Variants in ENDOV observed in about 807,000 individuals in gnomAD.
ENDOV encodes the protein endonuclease V, also known as hEndoV.
ENDOV carries 37 observed loss-of-function variants against 39.4 expected under a neutral mutation model. That is an observed-to-expected ratio of 0.94 (90% CI 0.72 to 1.23). The LOEUF (loss-of-function observed/expected upper bound fraction) is 1.23, where lower values mean the gene tolerates loss of function less well. Among genes scored for constraint, ENDOV ranks in the 50% most tolerant of loss-of-function variants. The pLI, the probability that ENDOV is intolerant of heterozygous loss-of-function variation, is 0.00. For synonymous variants in ENDOV, 186 were observed against 163.4 expected (o/e 1.14, Z -1.05); for missense variants, 441 against 375.7 (o/e 1.17, Z -1.44).
intron 9 of ENDOV, among the ~76,000 whole-genome samples, chr17:80,431,570 G>A (rs899617169): frequency 5.3e-5 from 8 of 152,340 alleles, no homozygotes; most frequent in African/African-American, 9.6e-5. Context: ...AACGCTGGCC[G>A]GAACCAGATG....
At chr17:80,432,703 G>C (rs1224057988) in intron 9 of ENDOV, among the ~76,000 whole-genome samples, 1 of 152,058 alleles carries the variant, frequency 6.6e-6, no homozygotes, top group African/African-American at 2.4e-5. Context: ...GGCAGGGAGT[G>C]GACAGAGCCA....
intron 3 of ENDOV, 38 bp from the exon 4 acceptor site, chr17:80,422,168 C>G (rs1265214633): frequency 1.9e-6 from 3 of 1,612,944 alleles, no homozygotes; most frequent in Non-Finnish European, 2.5e-6. Flanking sequence ...GGCCGAGGGG[C>G]AGCTCAGCTG....
chr17:80,421,849 A>G lies in ENDOV; in HGVS notation c.250A>G (p.Met84Val), dbSNP rs767930622. 3.7e-6 allele frequency: 6 copies of G among 1,601,472 alleles called. No individual in the cohort carries two copies. Among genetic ancestry groups the G allele is most frequent in the Admixed American group, 1.7e-5 (1 of 58,330 alleles). Residue 84 changes from methionine to valine, a missense_variant, in exon 3 of 10, where the codon ATG (methionine) becomes GTG (valine). Physicochemically the swap from Met to Val is conservative, Grantham distance 21 (BLOSUM62 1). Transcript: ENST00000518137. ...ELEVVYEESR[M>V]VSLTAPYVSG... ...TCAGGTGGTGTATGAGGAGAGCCGC[A>G]TGGTCAGCCTCACAGCCCCCTACGT... is the stretch of plus-strand genomic sequence containing the variant.
intron 7 of ENDOV, among the ~76,000 whole-genome samples, chr17:80,427,121 G>A (rs905941494): frequency 4.6e-5 from 7 of 152,278 alleles, no homozygotes; most frequent in Admixed American, 6.5e-5. Context: ...CAGTGGTGGC[G>A]TCTGAGAGCG....
chr17:80,429,062 A>C (rs913162660), intron 8 of ENDOV, among the ~76,000 whole-genome samples: 1 of 152,036 alleles, frequency 6.6e-6, no homozygotes, highest in Admixed American at 6.6e-5. Flanking sequence ...TGGCGTTTGC[A>C]CTCTTCGAGC....
chr17:80,425,231 A>G (rs1351358060), intron 6 of ENDOV, 131 bp downstream of exon 6: 6 of 888,708 alleles, frequency 6.8e-6, no homozygotes, highest in African/African-American at 1.7e-5. Flanking sequence ...CCGTCCATCC[A>G]TCCTCCTGCC....
intron 9 of ENDOV, among the ~76,000 whole-genome samples, chr17:80,435,089 G>A (rs1288965631): frequency 6.7e-6 from 1 of 149,718 alleles, no homozygotes; most frequent in Admixed American, 6.7e-5. Flanking sequence ...TAAAAATTGG[G>A]TTGTCATCTT....
Position 80,415,809 on chromosome 17 carries a change from C to A in ENDOV, c.216C>A (p.Phe72Leu). Residue 72 changes from phenylalanine (F) to leucine (L), a missense_variant, in exon 2 of 10, where the codon TTC becomes TTA. Coordinates refer to ENST00000518137, the MANE Select transcript of ENDOV (RefSeq NM_173627.5). The part of the protein sequence containing the change: ...RACASLVVLS[F>L]PELEVVYEES... ...GTGCTTCCCTGGTGGTGCTCAGCTT[C>A]CCTGAGCTCGAGGTAACCTGGGAGG... 6.3e-7 allele frequency: 1 copy of A among 1,596,138 alleles called. No homozygotes were observed. Among genetic ancestry groups the A allele is most frequent in the Non-Finnish European group, 8.5e-7 (1 of 1,171,488 alleles).
intron 9 of ENDOV, among the ~76,000 whole-genome samples, chr17:80,430,737 CG>C (rs2083283988): frequency 6.6e-6 from 1 of 152,176 alleles, no homozygotes; most frequent in Non-Finnish European, 1.5e-5. Flanking sequence ...CTGTGCCCGG[CG>C]GGGGCTAGGA....
In ENDOV at chr17:80,425,510, CGCA is replaced by C. The variant is rs772944797; in HGVS notation, c.608_610del (p.Ser203del). On this transcript the variant is annotated inframe_deletion, in exon 7 of 10. Transcript: ENST00000518137. ...GTCACAGGCCCTGAGGAGCCACGAC[CGCA>C]GCACCAGGCCCCTCTACATCTCCGT... The C allele has an allele frequency of 1.3e-6, 2 of 1,598,502 alleles. No individual in the cohort carries two copies. Among genetic ancestry groups the C allele is most frequent in the Non-Finnish European group, 1.7e-6 (2 of 1,176,090 alleles).
chr17:80,420,918 C>T (rs1184744961), intron 2 of ENDOV, among the ~76,000 whole-genome samples: 1 of 152,176 alleles, frequency 6.6e-6, no homozygotes, highest in Non-Finnish European at 1.5e-5. Context: ...CTCAGGTGAT[C>T]GTCCGCCTCG....
chr17:80,429,630 GCTCTGCCCTGCC>G (rs1192486173), intron 8 of ENDOV, 131 bp from the exon 9 acceptor site: 1 of 738,948 alleles, frequency 1.4e-6, no homozygotes, highest in Admixed American at 3.2e-5. Flanking sequence ...TGAGCAGCGT[GCTCTGCCCTGCC>G]CTCTGCCCTG....
chr17:80,425,101 G>A lies in ENDOV; in HGVS notation c.585+1G>A, dbSNP rs755261560. 24 of 1,607,170 alleles carry A rather than the reference G, an allele frequency of 1.5e-5. No homozygotes were observed. Among genetic ancestry groups the A allele is most frequent in the Non-Finnish European group, 2.0e-5 (23 of 1,176,822 alleles). ...AGACTCTGGGACTGTCCTGGGAATG[G>A]TGAGTAGCTAGGGCCCTGAGCTCCT... is the stretch of plus-strand genomic sequence containing the variant. On this transcript the variant is annotated splice_donor_variant, in intron 6 of 9. Transcript: ENST00000518137. LOFTEE classifies it high-confidence loss of function.
At chr17:80,430,357 T>A (rs1420103276) in intron 9 of ENDOV, 15 of 1,526,330 alleles carry the variant, frequency 9.8e-6, no homozygotes, top group Non-Finnish European at 1.3e-5. Context: ...TTCTCAGGAT[T>A]CATTTTTTAT....
At chr17:80,434,758 C>G (rs2083506043) in intron 9 of ENDOV, among the ~76,000 whole-genome samples, 1 of 152,124 alleles carries the variant, frequency 6.6e-6, no homozygotes, top group African/African-American at 2.4e-5. Flanking sequence ...CCAGCCTGGG[C>G]AACATAGTGA....
At chr17:80,420,824 T>A (rs564157195) in intron 2 of ENDOV, among the ~76,000 whole-genome samples, 2 of 152,232 alleles carry the variant, frequency 1.3e-5, no homozygotes, top group Non-Finnish European at 2.9e-5. Flanking sequence ...ATTACAGGCA[T>A]GCGCCACCAC....
intron 8 of ENDOV, among the ~76,000 whole-genome samples, chr17:80,428,890 A>G (rs1489688375): frequency 6.6e-6 from 1 of 152,176 alleles, no homozygotes; most frequent in African/African-American, 2.4e-5. Context: ...CCTCCACGCA[A>G]AGCCCTGGAA....
chr17:80,419,535 T>G (rs1255607487), intron 2 of ENDOV: 1 of 700,324 alleles, frequency 1.4e-6, no homozygotes, highest in African/African-American at 1.7e-5. Flanking sequence ...GCTAGTGTGT[T>G]CTGCTCCGCA....
chr17:80,426,522 G>A lies in ENDOV; in HGVS notation c.714+902G>A, dbSNP rs551707049. On this transcript the variant is annotated intron_variant, in intron 7 of 9. Coordinates refer to ENST00000518137, the MANE Select transcript of ENDOV (RefSeq NM_173627.5). The stretch of plus-strand genomic sequence containing the variant: ...ACAAATTAGCCAAGTGTGGTGGTGC[G>A]TGCCTGTGGTCTCTGCTACTTAGGA... Among the ~76,000 whole-genome samples, 68 of 152,174 alleles carry A rather than the reference G, an allele frequency of 4.5e-4. 1 individual carries two copies. Among genetic ancestry groups the A allele is most frequent in the Middle Eastern group, 3.4e-3 (1 of 292 alleles).
Sources: allele counts gnomAD v4.1 joint callset (sites outside exome capture counted in the v4.1 genomes callset), GRCh38; gene constraint gnomAD v4.1.1; transcripts MANE v1.5; gene names NCBI Gene and HGNC (gene_info 2026-07-23, HGNC 2026-07-21).